The following KCNU1 variants were observed in gnomAD, a reference collection of about 807,000 sequenced individuals.
KCNU1 encodes potassium calcium-activated channel subfamily U member 1, also known as potassium channel subfamily U member 1.
KCNU1 carries 93 observed loss-of-function variants against 126.8 expected under a neutral mutation model. That is an observed-to-expected ratio of 0.73 (90% CI 0.62 to 0.87). The LOEUF (loss-of-function observed/expected upper bound fraction) is 0.87. KCNU1 is among the 40% of genes least tolerant of loss of function. The probability of loss-of-function intolerance (pLI) is 0.00; values close to 1 mark genes in which losing one functional copy is unlikely to be tolerated. For synonymous variants in KCNU1, 523 were observed against 494.2 expected (o/e 1.06, Z -0.77); for missense variants, 1,330 against 1,367.1 (o/e 0.97, Z 0.43).
intron 10 of KCNU1, among the ~76,000 whole-genome samples, chr8:36,822,879 T>C (rs1480690549): frequency 6.6e-6 from 1 of 152,206 alleles, no homozygotes; most frequent in Admixed American, 6.6e-5. Flanking sequence ...TTATGCTGAC[T>C]GCATGTGTCT....
At position 36,873,486 on chromosome 8, in the gene KCNU1, T is replaced by C. The variant is rs78266371; in HGVS notation, c.2009+8965T>C. On this transcript the variant is annotated intron_variant, in intron 19 of 26. Coordinates refer to ENST00000399881, the MANE Select transcript of KCNU1 (RefSeq NM_001031836.3). ...AATATATTATTGGCTTTTATACAAT[T>C]ATTTATACGTTTTAAAATAAACATC... Among the ~76,000 whole-genome samples the C allele has an allele frequency of 3.5e-3, 533 of 152,350 alleles. 3 individuals carry two copies. The highest frequency in any genetic ancestry group is 4.4e-3 in the Admixed American group (68 of 15,302).
chr8:36,896,657 G>A (rs1161165764), intron 19 of KCNU1, among the ~76,000 whole-genome samples: 2 of 152,118 alleles, frequency 1.3e-5, no homozygotes, highest in East Asian at 3.9e-4. Flanking sequence ...AAGAAGGTCC[G>A]TTCCTTTGAG....
At chr8:36,808,024 C>T (rs1457564569) in intron 6 of KCNU1, among the ~76,000 whole-genome samples, 2 of 152,152 alleles carry the variant, frequency 1.3e-5, no homozygotes, top group Non-Finnish European at 2.9e-5. Context: ...TCAAAATCTC[C>T]ATGCCTTGAC....
chr8:36,864,959 C>T (rs1348636871), intron 19 of KCNU1, among the ~76,000 whole-genome samples: 2 of 152,104 alleles, frequency 1.3e-5, no homozygotes, highest in South Asian at 2.1e-4. Flanking sequence ...TTTTAGTACA[C>T]TAAAACCTCC....
At chr8:36,820,299 G>A (rs982516476) in intron 10 of KCNU1, among the ~76,000 whole-genome samples, 1 of 152,134 alleles carries the variant, frequency 6.6e-6, no homozygotes, top group African/African-American at 2.4e-5. Context: ...GATACAACAA[G>A]TGGTACTCGA....
rs145804974 is a variant in KCNU1, at chr8:36,808,749, A to G, written c.688A>G (p.Ile230Val). 1.1e-5 allele frequency: 17 copies of G among 1,611,814 alleles called. No homozygotes were observed. Among genetic ancestry groups the G allele is most frequent in the African/African-American group, 8.0e-5 (6 of 74,984 alleles). The change falls in exon 7 of 27, where the codon ATA (isoleucine) becomes GTA (valine). Residue 230 changes from isoleucine (I) to valine (V), a missense_variant. Around this residue, in one of 3 missense-constraint regions of KCNU1, gnomAD observed 29 missense variants for 57.8 expected, o/e 0.50. Coordinates refer to ENST00000399881, the MANE Select transcript of KCNU1 (RefSeq NM_001031836.3). ...AGTGAAGTTTTCCAAACTGCTGTCA[A>G]TAATTCTCAGTACCTGGTTCACAGC... Reference protein sequence around the residue: ...NSVKFSKLLSIILSTWFTAAG... With the variant: ...NSVKFSKLLSVILSTWFTAAG...
chr8:36,834,737 A>G, intron 11 of KCNU1, 49 bp from the exon 12 acceptor site: 1 of 1,208,368 alleles, frequency 8.3e-7, no homozygotes, highest in Non-Finnish European at 1.2e-6. Flanking sequence ...AGACCAGAGC[A>G]TTTCCCATGT....
intron 19 of KCNU1, among the ~76,000 whole-genome samples, chr8:36,882,057 T>A (rs1229213193): frequency 6.6e-6 from 1 of 152,200 alleles, no homozygotes; most frequent in Non-Finnish European, 1.5e-5. Flanking sequence ...TTGCAGACAG[T>A]CATCTACAGC....
Position 36,845,624 on chromosome 8 carries a change from A to G in KCNU1, c.1748A>G (p.Asn583Ser). 6.2e-7 allele frequency: 1 copy of G among 1,611,622 alleles called. No individual in the cohort carries two copies. The highest frequency in any genetic ancestry group is 8.5e-7 in the Non-Finnish European group (1 of 1,177,782). ...CCTCCACAAGTGAGGATACGTAAGA[A>G]CACATTAGGGTTCTTTATTGCTGAA... ...NPPPQVRIRK[N>S]TLGFFIAETP... Residue 583 changes from asparagine to serine, a missense_variant, in exon 17 of 27, where the codon AAC becomes AGC. Coordinates refer to ENST00000399881, the MANE Select transcript of KCNU1 (RefSeq NM_001031836.3).
chr8:36,847,183 T>C (rs1216758686), intron 18 of KCNU1, among the ~76,000 whole-genome samples: 2 of 152,332 alleles, frequency 1.3e-5, no homozygotes, highest in Admixed American at 6.5e-5. Flanking sequence ...CTCTTTTCAG[T>C]AGTCCTTGTC....
At chr8:36,892,552 T>C (rs1254738821) in intron 19 of KCNU1, among the ~76,000 whole-genome samples, 1 of 141,170 alleles carries the variant, frequency 7.1e-6, no homozygotes, top group African/African-American at 2.6e-5. Flanking sequence ...CATAATTTTT[T>C]GTTGAAAGCC....
intron 22 of KCNU1, among the ~76,000 whole-genome samples, chr8:36,916,904 A>C (rs1048932727): frequency 1.3e-5 from 2 of 152,224 alleles, no homozygotes; most frequent in African/African-American, 4.8e-5. Flanking sequence ...CATTAACAAG[A>C]AGTGGCTCTT....
intron 19 of KCNU1, among the ~76,000 whole-genome samples, chr8:36,882,771 T>G (rs542319086): frequency 6.6e-6 from 1 of 151,998 alleles, no homozygotes; most frequent in Non-Finnish European, 1.5e-5. Context: ...TTAGTAGAGA[T>G]GGGGTTTCTC....
At chr8:36,898,753 A>G (rs1431582043) in intron 19 of KCNU1, among the ~76,000 whole-genome samples, 1 of 152,036 alleles carries the variant, frequency 6.6e-6, no homozygotes, top group Non-Finnish European at 1.5e-5. Context: ...ATCAACTTCT[A>G]CACTTACTAT....
At chr8:36,926,150 G>T (rs1300275211) in intron 24 of KCNU1, among the ~76,000 whole-genome samples, 1 of 152,120 alleles carries the variant, frequency 6.6e-6, no homozygotes, top group Non-Finnish European at 1.5e-5. Flanking sequence ...CCATTACCTG[G>T]TTTAATTATC....
intron 24 of KCNU1, among the ~76,000 whole-genome samples, chr8:36,925,137 G>A (rs1808491666): frequency 6.6e-6 from 1 of 152,110 alleles, no homozygotes; most frequent in South Asian, 2.1e-4. Flanking sequence ...GGCTTCACTT[G>A]GTGGAAGAGG....
chr8:36,844,351 A>G (rs1266857923), intron 16 of KCNU1, among the ~76,000 whole-genome samples: 1 of 151,642 alleles, frequency 6.6e-6, no homozygotes, highest in East Asian at 1.9e-4. Context: ...TTGCACTCCA[A>G]CCTGGGCAAC....
chr8:36,934,310 G>A (rs1808789940), intron 26 of KCNU1, among the ~76,000 whole-genome samples: 1 of 151,998 alleles, frequency 6.6e-6, no homozygotes, highest in Admixed American at 6.6e-5. Context: ...GAGTTTGAAA[G>A]AAAGAGCATG....
Position 36,858,913 on chromosome 8 carries a change from A to T in KCNU1, c.1892-5491A>T, listed in dbSNP as rs1409437958. The stretch of plus-strand genomic sequence containing the variant: ...TCTCCAGAATCTTTCATTACTCTTA[A>T]AATAGAATAATTTCTTTTTCCTACC... On this transcript the variant is annotated intron_variant, in intron 18 of 26. Coordinates refer to ENST00000399881, the MANE Select transcript of KCNU1 (RefSeq NM_001031836.3). 3.3e-5 allele frequency among the ~76,000 whole-genome samples: 5 copies of T among 152,134 alleles called. No individual in the cohort carries two copies. The South Asian group carries it at 6.2e-4, about 19-fold the overall frequency.
Sources: gnomAD v4.1 joint callset for allele counts (sites outside exome capture counted in the v4.1 genomes callset) on GRCh38, gnomAD v4.1.1 for gene constraint, gnomAD v4.1.1 regional missense constraint, MANE v1.5 for transcripts, NCBI Gene and HGNC (gene_info 2026-07-23, HGNC 2026-07-21) for gene names.